The following NRG1 variants were observed in gnomAD, a reference collection of about 807,000 sequenced individuals.
NRG1 encodes the protein neuregulin 1.
In NRG1, 18 loss-of-function variants were observed where a neutral mutation model predicts 63.8. That is an observed-to-expected ratio of 0.28 (90% confidence interval 0.19 to 0.42). The LOEUF (loss-of-function observed/expected upper bound fraction) is 0.42, where lower values mean the gene tolerates loss of function less well. NRG1 is among the 10% of genes least tolerant of loss of function. The pLI is 1.00. For missense variants in NRG1, 762 were observed against 814.7 expected, an observed-to-expected ratio of 0.94 and a Z score of 0.79; for synonymous variants, 302 against 301.3, an observed-to-expected ratio of 1.00 and a Z score of -0.02.
intron 1 of NRG1, among the ~76,000 whole-genome samples, chr8:31,727,751 T>C (rs1199278874): frequency 6.6e-6 from 1 of 152,032 alleles, no homozygotes; most frequent in Admixed American, 6.6e-5. Flanking sequence ...ATATATTGTC[T>C]TTTTTTTATA....
Position 32,481,956 on chromosome 8 carries a change from T to C in NRG1, c.38-113872T>C, listed in dbSNP as rs368764893. Among the ~76,000 whole-genome samples, 21 of 152,262 alleles carry C rather than the reference T, an allele frequency of 1.4e-4. No homozygotes were observed. In the East Asian group the frequency reaches 1.9e-3, roughly 14 times the overall value. On this transcript the variant is annotated intron_variant, in intron 1 of 10. Transcript: ENST00000519301. ...CTGGGACTGAAAGTTCTAGCAACAGTAAAATACCCTGGCCTCCAACTACTA... is the reference window on the plus strand; with the variant it reads ...CTGGGACTGAAAGTTCTAGCAACAGCAAAATACCCTGGCCTCCAACTACTA...
chr8:32,448,990 G>A lies in NRG1; in HGVS notation c.38-146838G>A, dbSNP rs7009333. On this transcript the variant is annotated intron_variant, in intron 1 of 10. Transcript: ENST00000519301. ...AAAAAAGAGTATGGAGGAAAGCGGT[G>A]TTTAAAATTGTCCAAAGCCATCGGC... Among the ~76,000 whole-genome samples, 160 of 152,180 alleles carry A rather than the reference G, an allele frequency of 1.1e-3. 3 individuals are homozygous for A. The highest frequency in any genetic ancestry group is 3.3e-3 in the Admixed American group (51 of 15,266).
At chr8:32,185,721 C>G (rs1054201259) in intron 1 of NRG1, among the ~76,000 whole-genome samples, 1 of 152,188 alleles carries the variant, frequency 6.6e-6, no homozygotes, top group Non-Finnish European at 1.5e-5. Flanking sequence ...TCTAGTCACA[C>G]TTTGTCATGC....
At chr8:32,419,027 T>C (rs1319223828) in intron 1 of NRG1, among the ~76,000 whole-genome samples, 1 of 152,300 alleles carries the variant, frequency 6.6e-6, no homozygotes, top group Admixed American at 6.5e-5. Context: ...TCATGGAAAA[T>C]AGGTTCTTCT....
intron 9 of NRG1, among the ~76,000 whole-genome samples, chr8:32,758,072 T>C (rs1047228422): frequency 6.6e-6 from 1 of 152,196 alleles, no homozygotes; most frequent in Non-Finnish European, 1.5e-5. Context: ...TCAAGCTGTA[T>C]ATTTTTGGAT....
chr8:31,916,283 C>T (rs888899528), intron 1 of NRG1, among the ~76,000 whole-genome samples: 1 of 151,926 alleles, frequency 6.6e-6, no homozygotes, highest in Non-Finnish European at 1.5e-5. Context: ...CGTATGTATA[C>T]ATGTGACATG....
chr8:32,200,205 T>C (rs1014545428), intron 1 of NRG1, among the ~76,000 whole-genome samples: 1 of 152,220 alleles, frequency 6.6e-6, no homozygotes, highest in African/African-American at 2.4e-5. Context: ...CATTGGTTCT[T>C]CTGGACTAAT....
chr8:32,040,750 C>CATATATATGTATATATATATATAT (rs1819870329), intron 1 of NRG1, among the ~76,000 whole-genome samples: 5 of 48,684 alleles, frequency 1.0e-4, no homozygotes, highest in Admixed American at 3.2e-4. Context: ...AATTTAGGCG[C>CATATATATGTATATATATATATAT]ATATATATAT....
chr8:31,669,659 C>T (rs1806917322), intron 1 of NRG1, among the ~76,000 whole-genome samples: 1 of 152,186 alleles, frequency 6.6e-6, no homozygotes, highest in African/African-American at 2.4e-5. Flanking sequence ...TTTGGCATCA[C>T]CGTCACTCCT....
chr8:32,385,466 A>C (rs749532060), intron 1 of NRG1, among the ~76,000 whole-genome samples: 3 of 152,220 alleles, frequency 2.0e-5, no homozygotes, highest in Non-Finnish European at 2.9e-5. Context: ...AAAGAGGTTT[A>C]AATGGCTCAT....
In NRG1 at chr8:32,074,052, A is replaced by C. The variant is rs1343112119; in HGVS notation, c.37+434621A>C. On this transcript the variant is annotated intron_variant, in intron 1 of 10. Coordinates refer to the NRG1 transcript ENST00000519301. Reference sequence around the variant, plus strand: ...GTTAATTAAGGTAACTAAGGTTCTCAACTGCAACCACAAAACTTTCACAGT... The same window carrying C: ...GTTAATTAAGGTAACTAAGGTTCTCCACTGCAACCACAAAACTTTCACAGT... Among the ~76,000 whole-genome samples, 4 of 152,328 alleles carry C rather than the reference A, an allele frequency of 2.6e-5. No individual in the cohort carries two copies. In the East Asian group the frequency reaches 7.7e-4, roughly 29 times the overall value.
intron 1 of NRG1, among the ~76,000 whole-genome samples, chr8:31,970,008 G>A (rs937283352): frequency 3.3e-5 from 5 of 152,184 alleles, no homozygotes; most frequent in African/African-American, 7.2e-5. Context: ...TGAAGCATAC[G>A]TAAAATAATT....
chr8:32,322,667 A>G (rs1801553156), intron 1 of NRG1, among the ~76,000 whole-genome samples: 1 of 152,032 alleles, frequency 6.6e-6, no homozygotes, highest in South Asian at 2.1e-4. Flanking sequence ...TGTGGTGATC[A>G]TTATAAAAGC....
chr8:31,687,943 A>T (rs1329118609), intron 1 of NRG1, among the ~76,000 whole-genome samples: 1 of 152,162 alleles, frequency 6.6e-6, no homozygotes, highest in Non-Finnish European at 1.5e-5. Flanking sequence ...TACAGCTGGG[A>T]TTGTCCTCTG....
At chr8:32,691,716 A>G (rs1362417563) in intron 5 of NRG1, among the ~76,000 whole-genome samples, 3 of 152,248 alleles carry the variant, frequency 2.0e-5, no homozygotes, top group Non-Finnish European at 4.4e-5. Context: ...AAGTTAAATG[A>G]AGGAAGAACA....
At position 32,193,304 on chromosome 8, in the gene NRG1, T is replaced by TTGTGTG. The variant is rs142841681; in HGVS notation, c.38-402502_38-402497dup. 1.6e-3 allele frequency among the ~76,000 whole-genome samples: 244 copies of TTGTGTG among 148,064 alleles called. 1 individual carries two copies. Among genetic ancestry groups the TTGTGTG allele is most frequent in the Admixed American group, 0.01 (153 of 14,670 alleles). ...ATATAGTGCTTTTCTTTTTCTACCT[T>TTGTGTG]TGTGTGTGTGTGTGTGTGTGTGTGT... On this transcript the variant is annotated intron_variant, in intron 1 of 10. Coordinates refer to the NRG1 transcript ENST00000519301.
chr8:32,396,767 A>G (rs1049100467), intron 1 of NRG1, among the ~76,000 whole-genome samples: 1 of 152,138 alleles, frequency 6.6e-6, no homozygotes, highest in Admixed American at 6.5e-5. Context: ...CATATTTTTG[A>G]TGCTATTATT....
At chr8:32,118,594 G>A (rs1833046882) in intron 1 of NRG1, among the ~76,000 whole-genome samples, 2 of 152,062 alleles carry the variant, frequency 1.3e-5, no homozygotes, top group African/African-American at 4.8e-5. Context: ...ATTATTTGTT[G>A]GGCATTTCCT....
intron 2 of NRG1, among the ~76,000 whole-genome samples, chr8:32,601,981 A>T (rs1844441474): frequency 6.6e-6 from 1 of 152,270 alleles, no homozygotes; most frequent in Admixed American, 6.5e-5. Flanking sequence ...TAGTCAAGGG[A>T]TATCTCCTCT....
Sources: gnomAD v4.1 joint callset for allele counts (sites outside exome capture counted in the v4.1 genomes callset) on GRCh38, gnomAD v4.1.1 for gene constraint, MANE v1.5 for transcripts, NCBI Gene and HGNC (gene_info 2026-07-23, HGNC 2026-07-21) for gene names.